The following NELL2 variants were observed in gnomAD, a reference collection of about 807,000 sequenced individuals.
NELL2 encodes the protein protein kinase C-binding protein NELL2.
A neutral mutation model predicts 109.6 loss-of-function variants in NELL2; 41 were observed. That is an observed-to-expected ratio of 0.37 (90% CI 0.29 to 0.49). NELL2 has a LOEUF of 0.49. Among genes scored for constraint, NELL2 ranks in the 20% least tolerant of loss-of-function variants. NELL2 has a pLI of 0.98. For synonymous variants in NELL2, 355 were observed against 344.7 expected (o/e 1.03, Z -0.33); for missense variants, 900 against 1,008.3 (o/e 0.89, Z 1.45).
At chr12:44,521,518 A>C (rs1342087422) in intron 18 of NELL2, among the ~76,000 whole-genome samples, 9 of 150,182 alleles carry the variant, frequency 6.0e-5, no homozygotes, top group African/African-American at 2.2e-4. Context: ...CGACAGAGCG[A>C]GACTCCGTCT....
At chr12:44,582,558 C>T (rs1435259339) in intron 15 of NELL2, among the ~76,000 whole-genome samples, 1 of 151,754 alleles carries the variant, frequency 6.6e-6, no homozygotes, top group Non-Finnish European at 1.5e-5. Flanking sequence ...AGTGAAGATA[C>T]TATGGCATAT....
intron 13 of NELL2, among the ~76,000 whole-genome samples, chr12:44,652,063 C>T (rs969651379): frequency 1.3e-5 from 2 of 152,120 alleles, no homozygotes; most frequent in Non-Finnish European, 2.9e-5. Context: ...AATAAATCCC[C>T]ATTGAGAGCT....
At chr12:44,603,633 C>T (rs1225734028) in intron 15 of NELL2, among the ~76,000 whole-genome samples, 1 of 152,090 alleles carries the variant, frequency 6.6e-6, no homozygotes, top group East Asian at 1.9e-4. Context: ...TGAAGTTATG[C>T]TGTACATGCG....
intron 1 of NELL2, among the ~76,000 whole-genome samples, chr12:44,921,244 T>C (rs561741822): frequency 6.6e-6 from 1 of 152,296 alleles, no homozygotes; most frequent in South Asian, 2.1e-4. Context: ...TAGATAGACT[T>C]GTGCAAATCG....
At chr12:44,745,105 A>G (rs905258263) in intron 9 of NELL2, among the ~76,000 whole-genome samples, 21 of 152,234 alleles carry the variant, frequency 1.4e-4, no homozygotes, top group African/African-American at 4.6e-4. Context: ...CTTATCCACC[A>G]TAATCGAGTG....
chr12:44,558,554 A>G (rs1391629790), intron 15 of NELL2, among the ~76,000 whole-genome samples: 1 of 152,174 alleles, frequency 6.6e-6, no homozygotes, highest in Non-Finnish European at 1.5e-5. Context: ...GCGTCACCTC[A>G]TCTGGGAAGT....
intron 15 of NELL2, among the ~76,000 whole-genome samples, chr12:44,576,310 T>C (rs1944081425): frequency 1.3e-5 from 2 of 152,204 alleles, no homozygotes; most frequent in African/African-American, 4.8e-5. Flanking sequence ...AAATTATCAG[T>C]GGGATCCTTT....
intron 1 of NELL2, among the ~76,000 whole-genome samples, chr12:44,891,622 T>A (rs75097205): frequency 0.011 from 1,600 of 147,734 alleles, 31 homozygotes; most frequent in East Asian, 0.051. Context: ...GTAACACTGA[T>A]TTTTTTTCCT....
intron 12 of NELL2, among the ~76,000 whole-genome samples, chr12:44,684,691 G>A (rs1035797018): frequency 1.6e-4 from 25 of 152,086 alleles, no homozygotes; most frequent in African/African-American, 3.4e-4. Context: ...TAGTCATTCC[G>A]GAGCAGGTTG....
intron 2 of NELL2, among the ~76,000 whole-genome samples, chr12:44,856,246 G>T (rs1944680417): frequency 6.6e-6 from 1 of 152,210 alleles, no homozygotes; most frequent in Non-Finnish European, 1.5e-5. Context: ...CAACAAGGCA[G>T]ATTAAATTCC....
chr12:44,862,576 ATCAG>A (rs1288027436), intron 2 of NELL2, among the ~76,000 whole-genome samples: 1 of 152,238 alleles, frequency 6.6e-6, no homozygotes, highest in African/African-American at 2.4e-5. Flanking sequence ...CACATTGAAA[ATCAG>A]TCAGATTTGC....
chr12:44,600,965 TA>T (rs1945195192), intron 15 of NELL2, among the ~76,000 whole-genome samples: 1 of 151,904 alleles, frequency 6.6e-6, no homozygotes, highest in Non-Finnish European at 1.5e-5. Flanking sequence ...TAGTTTCAAA[TA>T]AAAAAATAAG....
Position 44,886,081 on chromosome 12 carries a change from TAGTA to T in NELL2, c.39-10185_39-10182del, listed in dbSNP as rs200956504. Reference sequence around the variant, plus strand: ...ATGCCAGAACAATGGAACATCCATATAGTAAGGAAGGAAGGAAGGAAGGAAGGAA... The same window carrying T: ...ATGCCAGAACAATGGAACATCCATATAGGAAGGAAGGAAGGAAGGAAGGAA... On this transcript the variant is annotated intron_variant, in intron 1 of 20. Coordinates refer to the NELL2 transcript ENST00000333837. Among the ~76,000 whole-genome samples, 596 of 107,884 alleles carry T rather than the reference TAGTA, an allele frequency of 5.5e-3. 12 individuals carry two copies. The East Asian group carries it at 0.067, about 12-fold the overall frequency. The allele number at this position is 107,884 out of a possible 152,430, so 70.8% of individuals were successfully genotyped here.
intron 1 of NELL2, among the ~76,000 whole-genome samples, chr12:44,895,575 A>G (rs1488117051): frequency 1.3e-5 from 2 of 152,178 alleles, no homozygotes; most frequent in African/African-American, 2.4e-5. Context: ...TAGCTGAATT[A>G]GAAGCCCTGA....
At chr12:44,876,853 T>G (rs1398283422), upstream of NELL2, 6 of 1,302,412 alleles carry the variant, frequency 4.6e-6, no homozygotes, top group Non-Finnish European at 5.9e-6. Context: ...AGGTAGAGAC[T>G]GGTGGGGACG....
intron 16 of NELL2, among the ~76,000 whole-genome samples, chr12:44,531,664 A>G (rs1408580182): frequency 6.6e-6 from 1 of 152,238 alleles, no homozygotes; most frequent in Non-Finnish European, 1.5e-5. Context: ...CCTTTGAGGC[A>G]CAAGGATAAA....
At chr12:44,633,061 C>A (rs1421460016) in intron 13 of NELL2, among the ~76,000 whole-genome samples, 1 of 151,990 alleles carries the variant, frequency 6.6e-6, no homozygotes, top group Non-Finnish European at 1.5e-5. Context: ...AAAGAAAACA[C>A]ACACACATGC....
chr12:44,796,210 A>T (rs1424670533), intron 3 of NELL2, among the ~76,000 whole-genome samples: 1 of 152,122 alleles, frequency 6.6e-6, no homozygotes, highest in Non-Finnish European at 1.5e-5. Flanking sequence ...CATTATTATG[A>T]CTTGCATTTC....
chr12:44,720,675 A>T (rs141806996), intron 9 of NELL2, among the ~76,000 whole-genome samples: 1,825 of 152,322 alleles, frequency 0.012, 138 homozygotes, highest in Admixed American at 0.1. Flanking sequence ...GCTATTTAAA[A>T]TGATCAGAAG....
Sources: gnomAD v4.1 joint callset for allele counts (sites outside exome capture counted in the v4.1 genomes callset) on GRCh38, gnomAD v4.1.1 for gene constraint, MANE v1.5 for transcripts, NCBI Gene and HGNC (gene_info 2026-07-23, HGNC 2026-07-21) for gene names.